Variants in MARK3 observed in about 807,000 individuals in gnomAD.
MARK3 encodes microtubule affinity regulating kinase 3, also known as MAP/microtubule affinity-regulating kinase 3.
A neutral mutation model predicts 90.1 loss-of-function variants in MARK3; 46 were observed. That is an observed-to-expected ratio of 0.51 (90% CI 0.40 to 0.65). The LOEUF (loss-of-function observed/expected upper bound fraction) is 0.65, where lower values mean the gene tolerates loss of function less well. MARK3 is among the 30% of genes least tolerant of loss of function. The pLI is 0.00. For synonymous variants in MARK3, 321 were observed against 332.6 expected, an observed-to-expected ratio of 0.97 and a Z score of 0.38; for missense variants, 818 against 947.2, an observed-to-expected ratio of 0.86 and a Z score of 1.79.
At chr14:103,456,819 C>A (rs899493316) in intron 5 of MARK3, among the ~76,000 whole-genome samples, 1 of 152,226 alleles carries the variant, frequency 6.6e-6, no homozygotes, top group Admixed American at 6.5e-5. Flanking sequence ...CCTCTTCTAA[C>A]ACAAATAACT....
At chr14:103,500,268 TATTTTCTG>T in intron 17 of MARK3, 68 bp downstream of exon 17, 1 of 1,190,148 alleles carries the variant, frequency 8.4e-7, no homozygotes, top group Non-Finnish European at 1.2e-6. Flanking sequence ...CAGAGGCGAC[TATTTTCTG>T]AATGTTCCCT....
At chr14:103,481,495 A>C (rs113388318) in intron 14 of MARK3, among the ~76,000 whole-genome samples, 1 of 152,184 alleles carries the variant, frequency 6.6e-6, no homozygotes. Context: ...CTTCATCCTT[A>C]GTTCCAAACT....
In MARK3 at chr14:103,491,623, CACTTA is replaced by C. The variant is rs979524962; in HGVS notation, c.1587-148_1587-144del. On this transcript the variant is annotated intron_variant, in intron 14 of 17. Transcript: ENST00000429436. ...GTATTGTTCTTTTGGTACCCTTTCCCACTTAACTTACCTTTTGCTCCTAAGTCCTA... is the reference window on the plus strand; with the variant it reads ...GTATTGTTCTTTTGGTACCCTTTCCCACTTACCTTTTGCTCCTAAGTCCTA... 5.4e-5 allele frequency: 37 copies of C among 683,190 alleles called. 1 individual carries two copies. Among genetic ancestry groups the C allele is most frequent in the Middle Eastern group, 3.9e-4 (1 of 2,558 alleles). The allele number at this position is 683,190 out of a possible 1,614,324, so 42.3% of individuals were successfully genotyped here. A position where few individuals can be genotyped will look rare whatever the true frequency, so the allele number is the denominator to read the frequency against.
intron 2 of MARK3, among the ~76,000 whole-genome samples, chr14:103,427,351 T>C (rs981911573): frequency 1.3e-5 from 2 of 151,332 alleles, no homozygotes; most frequent in Non-Finnish European, 2.9e-5. Flanking sequence ...AATACAAAAT[T>C]AGCCAGTCGT....
At chr14:103,389,973 G>A (rs2090121673) in intron 1 of MARK3, among the ~76,000 whole-genome samples, 1 of 148,354 alleles carries the variant, frequency 6.7e-6, no homozygotes, top group Admixed American at 6.8e-5. Context: ...AAAAGGCCGG[G>A]CGCGGTGGCT....
At chr14:103,413,000 G>A (rs562198958) in intron 2 of MARK3, among the ~76,000 whole-genome samples, 5 of 151,180 alleles carry the variant, frequency 3.3e-5, no homozygotes, top group African/African-American at 7.3e-5. Context: ...TCAGCCTCCC[G>A]AGTAGCTGGG....
At chr14:103,460,618 A>AAG (rs1290099999) in intron 6 of MARK3, among the ~76,000 whole-genome samples, 1 of 152,172 alleles carries the variant, frequency 6.6e-6, no homozygotes, top group African/African-American at 2.4e-5. Flanking sequence ...TTTGGAGCTA[A>AAG]AGAGAGAGAG....
At chr14:103,426,021 G>C (rs2092391549) in intron 2 of MARK3, among the ~76,000 whole-genome samples, 1 of 152,186 alleles carries the variant, frequency 6.6e-6, no homozygotes, top group Non-Finnish European at 1.5e-5. Context: ...TATGACATGG[G>C]GAGACCCCTG....
rs527651931 is a variant in MARK3 at position 103,472,331 on chromosome 14, GAAA to G, written c.1265-2661_1265-2659del. Among the ~76,000 whole-genome samples the G allele has an allele frequency of 1.9e-4, 29 of 152,058 alleles. No homozygotes were observed. The South Asian group carries it at 5.8e-3, about 30-fold the overall frequency. ...CTGTCACCCCAAACACCAAACCCAT[GAAA>G]TAAAAGACTTACAAATTTGATTACA... is the stretch of plus-strand genomic sequence containing the variant. On this transcript the variant is annotated intron_variant, in intron 12 of 17. Coordinates refer to ENST00000429436, the MANE Select transcript of MARK3 (RefSeq NM_001128918.3).
At chr14:103,444,086 C>CTTTTT (rs10676381) in intron 3 of MARK3, among the ~76,000 whole-genome samples, 23 of 116,374 alleles carry the variant, frequency 2.0e-4, no homozygotes, top group South Asian at 3.0e-4. Context: ...GTAAAATTGT[C>CTTTTT]TTTTTTTTTT....
chr14:103,417,662 C>T (rs1197481137), intron 2 of MARK3, among the ~76,000 whole-genome samples: 1 of 152,046 alleles, frequency 6.6e-6, no homozygotes, highest in Non-Finnish European at 1.5e-5. Context: ...TTCTGGAATC[C>T]TTAAGCAGAG....
At chr14:103,472,886 G>C (rs184597061) in intron 12 of MARK3, among the ~76,000 whole-genome samples, 227 of 151,848 alleles carry the variant, frequency 1.5e-3, no homozygotes, top group African/African-American at 5.2e-3. Context: ...GGCGCCTGTA[G>C]TCCCAGCTAC....
At chr14:103,498,451 G>T (rs938215199) in intron 15 of MARK3, 51 bp from the exon 16 acceptor site, 73 of 1,170,934 alleles carry the variant, frequency 6.2e-5, no homozygotes, top group Non-Finnish European at 7.3e-5. Flanking sequence ...TGTTTAATTT[G>T]TGCGAGTTAT....
Position 103,462,404 on chromosome 14 carries a change from G to T in MARK3, c.484-1G>T. 1 of 1,600,554 alleles carries T rather than the reference G, an allele frequency of 6.2e-7. No individual in the cohort carries two copies. Among genetic ancestry groups the T allele is most frequent in the East Asian group, 2.3e-5 (1 of 44,440 alleles). On this transcript the variant is annotated splice_acceptor_variant, in intron 6 of 17. Coordinates refer to ENST00000429436, the MANE Select transcript of MARK3 (RefSeq NM_001128918.3). LOFTEE classifies it high-confidence loss of function. The stretch of plus-strand genomic sequence containing the variant: ...ACTGACTCTGCGTCTCTCCTATTCA[G>T]ATTGTGTCTGCAGTTCAATACTGCC...
At chr14:103,450,371 T>G (rs1429595713) in intron 4 of MARK3, among the ~76,000 whole-genome samples, 1 of 152,206 alleles carries the variant, frequency 6.6e-6, no homozygotes, top group African/African-American at 2.4e-5. Context: ...ACTTTATCAC[T>G]GTTGCCTAGA....
chr14:103,400,957 G>GTC (rs1555371032), intron 1 of MARK3, among the ~76,000 whole-genome samples: 1 of 148,006 alleles, frequency 6.8e-6, no homozygotes, highest in Non-Finnish European at 1.5e-5. Flanking sequence ...GTGTGTGTGT[G>GTC]TGTGTGTGTG....
At chr14:103,395,176 A>C (rs2090501930) in intron 1 of MARK3, among the ~76,000 whole-genome samples, 1 of 152,216 alleles carries the variant, frequency 6.6e-6, no homozygotes, top group Non-Finnish European at 1.5e-5. Flanking sequence ...GATCGAGATA[A>C]AGATTCTGAA....
intron 2 of MARK3, among the ~76,000 whole-genome samples, chr14:103,410,871 T>G (rs1198049341): frequency 6.6e-6 from 1 of 152,208 alleles, no homozygotes. Context: ...TATGATGTCT[T>G]TCTTGTTTTA....
At chr14:103,412,165 G>A in intron 2 of MARK3, 1 of 1,409,748 alleles carries the variant, frequency 7.1e-7, no homozygotes, top group Non-Finnish European at 9.7e-7. Flanking sequence ...GATATATAAG[G>A]CCCGGACATT....
Sources: gnomAD v4.1 joint callset for allele counts (sites outside exome capture counted in the v4.1 genomes callset) on GRCh38, gnomAD v4.1.1 for gene constraint, MANE v1.5 for transcripts, NCBI Gene and HGNC (gene_info 2026-07-23, HGNC 2026-07-21) for gene names.